The following SOX6 variants were observed in gnomAD, a reference collection of about 807,000 sequenced individuals.
SOX6 encodes transcription factor SOX-6.
SOX6 carries 11 observed loss-of-function variants against 97.8 expected under a neutral mutation model. That is an observed-to-expected ratio of 0.11 (90% CI 0.07 to 0.19). The LOEUF is 0.19. Among genes scored for constraint, SOX6 ranks in the 10% least tolerant of loss-of-function variants. The pLI is 1.00. For synonymous variants in SOX6, 360 were observed against 371.4 expected, an observed-to-expected ratio of 0.97 and a Z score of 0.35; for missense variants, 810 against 1,039.5, an observed-to-expected ratio of 0.78 and a Z score of 3.04.
intron 9 of SOX6, 85 bp downstream of exon 9, chr11:16,095,911 C>T (rs1848782141): frequency 7.3e-7 from 1 of 1,377,730 alleles, no homozygotes; most frequent in East Asian, 2.4e-5. Flanking sequence ...GTGTTTGCCA[C>T]TTTAAAAAAA....
intron 2 of SOX6, among the ~76,000 whole-genome samples, chr11:16,720,647 A>C (rs1848253847): frequency 6.7e-6 from 1 of 149,640 alleles, no homozygotes; most frequent in African/African-American, 2.5e-5. Flanking sequence ...TACATATGTA[A>C]CTAACCTGCA....
At chr11:16,561,793 G>A (rs577861618) in intron 4 of SOX6, among the ~76,000 whole-genome samples, 1 of 152,054 alleles carries the variant, frequency 6.6e-6, no homozygotes, top group African/African-American at 2.4e-5. Flanking sequence ...GCAGTGGCGC[G>A]ATCATAGCTC....
chr11:16,574,355 A>G (rs192550656), intron 4 of SOX6, among the ~76,000 whole-genome samples: 11 of 152,276 alleles, frequency 7.2e-5, no homozygotes, highest in African/African-American at 2.6e-4. Context: ...GGCATTTGAC[A>G]TAAGACAAAG....
At position 16,200,617 on chromosome 11, in the gene SOX6, A is replaced by C. The variant is rs1223114919; in HGVS notation, c.536-13662T>G. ...TAAATGTTTAAAGTGTTGTGATTCC[A>C]AAAGTACTCAATTATCATGCACTGA... On this transcript the variant is annotated intron_variant, in intron 4 of 15. Transcript: ENST00000683767. Among the ~76,000 whole-genome samples, 6 of 152,336 alleles carry C rather than the reference A, an allele frequency of 3.9e-5. No homozygotes were observed. The South Asian group carries it at 1.2e-3, about 32-fold the overall frequency.
chr11:16,611,308 A>G (rs1441876489), intron 4 of SOX6, among the ~76,000 whole-genome samples: 1 of 151,990 alleles, frequency 6.6e-6, no homozygotes, highest in Non-Finnish European at 1.5e-5. Context: ...GCTTTGAAAG[A>G]CTCCTTACAC....
intron 1 of SOX6, among the ~76,000 whole-genome samples, chr11:16,372,623 A>T (rs1391035282): frequency 6.6e-6 from 1 of 152,126 alleles, no homozygotes; most frequent in Admixed American, 6.6e-5. Flanking sequence ...CAAAATATAC[A>T]GTTAACGACT....
intron 4 of SOX6, among the ~76,000 whole-genome samples, chr11:16,223,448 C>T (rs1852600665): frequency 6.6e-6 from 1 of 152,118 alleles, no homozygotes; most frequent in South Asian, 2.1e-4. Context: ...ATTTCACTCT[C>T]AGATTCATAT....
chr11:16,309,734 T>G lies in SOX6; in HGVS notation c.445+8712A>C, dbSNP rs566505672. Among the ~76,000 whole-genome samples the G allele has an allele frequency of 1.8e-4, 27 of 152,156 alleles. 1 individual carries two copies. The highest frequency in any genetic ancestry group is 7.2e-4 in the Admixed American group (11 of 15,258). ...CACTTCCTTTTCTGTTCATTTTTTCTTTTGATATTGCATATATATTGTACA... is the reference window on the plus strand; with the variant it reads ...CACTTCCTTTTCTGTTCATTTTTTCGTTTGATATTGCATATATATTGTACA... On this transcript the variant is annotated intron_variant, in intron 3 of 15. Transcript: ENST00000683767.
At chr11:16,353,985 A>C (rs1308955668) in intron 1 of SOX6, among the ~76,000 whole-genome samples, 1 of 152,046 alleles carries the variant, frequency 6.6e-6, no homozygotes, top group Non-Finnish European at 1.5e-5. Context: ...CTTCAAAAGT[A>C]ATACTTTATT....
chr11:16,043,201 A>G (rs181814669), intron 12 of SOX6, among the ~76,000 whole-genome samples: 2 of 152,286 alleles, frequency 1.3e-5, no homozygotes, highest in African/African-American at 4.8e-5. Context: ...TTGGTAAGCA[A>G]TTAGGCTATA....
In SOX6 at chr11:16,692,743, G is replaced by GT. The variant is rs1175806358; in HGVS notation, n.429+22086dup. The stretch of plus-strand genomic sequence containing the variant: ...ATAGATGTGTACACACACACACATT[G>GT]TTTTTTCTTTTACAAAATCAGTATT... On this transcript the variant is annotated intron_variant and non_coding_transcript_variant, in intron 3 of 5. Coordinates refer to the SOX6 transcript ENST00000524520. Among the ~76,000 whole-genome samples, 4 of 152,166 alleles carry GT rather than the reference G, an allele frequency of 2.6e-5. No homozygotes were observed. The East Asian group carries it at 7.7e-4, about 29-fold the overall frequency.
intron 3 of SOX6, among the ~76,000 whole-genome samples, chr11:16,281,796 C>T (rs1429110657): frequency 6.6e-6 from 1 of 151,438 alleles, no homozygotes; most frequent in Non-Finnish European, 1.5e-5. Context: ...AGTGATTTTC[C>T]CATGATGATA....
At chr11:16,499,895 G>A (rs1312115708) in intron 4 of SOX6, among the ~76,000 whole-genome samples, 1 of 152,180 alleles carries the variant, frequency 6.6e-6, no homozygotes, top group South Asian at 2.1e-4. Context: ...GGAGGAACTG[G>A]TACCATTCCT....
intron 13 of SOX6, among the ~76,000 whole-genome samples, chr11:15,991,481 A>T (rs904252020): frequency 1.2e-4 from 18 of 152,232 alleles, no homozygotes; most frequent in Non-Finnish European, 1.5e-5. Context: ...CCTCAGTGCC[A>T]TTACTTTACA....
chr11:16,646,735 T>C (rs771307002), intron 3 of SOX6, among the ~76,000 whole-genome samples: 9 of 152,240 alleles, frequency 5.9e-5, no homozygotes, highest in Non-Finnish European at 1.2e-4. Flanking sequence ...GGTTTTCCAT[T>C]CCTCAGTTAC....
chr11:16,411,107 G>A (rs1858801991), intron 1 of SOX6, among the ~76,000 whole-genome samples: 1 of 152,060 alleles, frequency 6.6e-6, no homozygotes, highest in African/African-American at 2.4e-5. Context: ...TTTGGTCTTG[G>A]TTGCAAATTT....
intron 3 of SOX6, among the ~76,000 whole-genome samples, chr11:16,619,211 G>A (rs930531053): frequency 1.3e-5 from 2 of 151,218 alleles, no homozygotes; most frequent in Admixed American, 6.6e-5. Flanking sequence ...TTCAAGAGTT[G>A]GATGTGATAA....
chr11:16,308,709 C>A (rs546832088), intron 3 of SOX6, among the ~76,000 whole-genome samples: 1 of 152,252 alleles, frequency 6.6e-6, no homozygotes, highest in East Asian at 1.9e-4. Context: ...AGATGAGGAA[C>A]TACTCTAATT....
intron 1 of SOX6, among the ~76,000 whole-genome samples, chr11:16,413,783 G>C (rs1858871758): frequency 6.6e-6 from 1 of 151,316 alleles, no homozygotes; most frequent in East Asian, 2.0e-4. Flanking sequence ...AGCCTCCAAA[G>C]TGATGGGATT....
Sources: gnomAD v4.1 joint callset for allele counts (sites outside exome capture counted in the v4.1 genomes callset) on GRCh38, gnomAD v4.1.1 for gene constraint, MANE v1.5 for transcripts, NCBI Gene and HGNC (gene_info 2026-07-23, HGNC 2026-07-21) for gene names.